JAKMIP3: variants seen among roughly 807,000 people sequenced by gnomAD.
JAKMIP3 encodes Janus kinase and microtubule interacting protein 3.
Under a neutral mutation model 118.5 loss-of-function variants are expected in JAKMIP3, and 58 were observed. The observed-to-expected ratio is 0.49, with a 90% CI of 0.40 to 0.61. The LOEUF (loss-of-function observed/expected upper bound fraction) is 0.61. Among genes scored for constraint, JAKMIP3 ranks in the 20% least tolerant of loss-of-function variants. JAKMIP3 has a pLI of 0.00. For synonymous variants in JAKMIP3, 486 were observed against 451.2 expected (o/e 1.08, Z -0.98); for missense variants, 950 against 1,109.0 (o/e 0.86, Z 2.04).
chr10:132,065,142 A>G (rs2038615111), upstream of JAKMIP3, among the ~76,000 whole-genome samples: 1 of 152,020 alleles, frequency 6.6e-6, no homozygotes, highest in Non-Finnish European at 1.5e-5. The surrounding 1 kb of genome is among the most constrained non-coding windows in gnomAD (Gnocchi z 5.6). Flanking sequence ...GGCAGCCCTC[A>G]AGGCTGCCTT....
intron 16 of JAKMIP3, among the ~76,000 whole-genome samples, chr10:132,151,364 T>C (rs1197659562): frequency 6.6e-6 from 1 of 152,172 alleles, no homozygotes; most frequent in Non-Finnish European, 1.5e-5. Context: ...CATCCAGTGC[T>C]CTGCATCCGA....
chr10:132,118,189 A>G lies in JAKMIP3; in HGVS notation c.633+615A>G, dbSNP rs994070605. Among the ~76,000 whole-genome samples the G allele has an allele frequency of 3.3e-5, 5 of 152,136 alleles. No individual in the cohort carries two copies. The East Asian group carries it at 5.8e-4, about 18-fold the overall frequency. ...GATGAGCTGCCGGTTTTGTGGATCA[A>G]TGAGGTCTAACGTTGGCATCTGGTG... is the stretch of plus-strand genomic sequence containing the variant. On this transcript the variant is annotated intron_variant, in intron 3 of 23. Coordinates refer to ENST00000684848, the MANE Select transcript of JAKMIP3 (RefSeq NM_001323087.2). This position sits in a 1 kb window ranked among gnomAD's most constrained non-coding sequence, Gnocchi z 4.8.
Position 132,117,768 on chromosome 10 carries a change from C to T in JAKMIP3, c.633+194C>T, listed in dbSNP as rs940469152. On this transcript the variant is annotated intron_variant, in intron 3 of 23. Transcript: ENST00000684848. This position sits in a 1 kb window ranked among gnomAD's most constrained non-coding sequence, Gnocchi z 8.6. ...GTTGGTTTTGAGGACCCTAGAGTCA[C>T]GAGACCACTAGAAAAGGTTCAGACC... is the stretch of plus-strand genomic sequence containing the variant. Among the ~76,000 whole-genome samples, 8 of 152,136 alleles carry T rather than the reference C, an allele frequency of 5.3e-5. No individual in the cohort carries two copies. The highest frequency in any genetic ancestry group is 1.4e-4 in the African/African-American group (6 of 41,422).
At chr10:132,139,092 G>A (rs113493544) in intron 9 of JAKMIP3, among the ~76,000 whole-genome samples, 9,848 of 115,990 alleles carry the variant, frequency 0.085, 784 homozygotes, top group African/African-American at 0.23. Context: ...GTGTGAGTGC[G>A]TGTATGTGTG....
rs753848756 is a variant in JAKMIP3 at position 132,104,834 on chromosome 10, G to A, written c.26G>A (p.Arg9Gln). MSKRGMSS[R>Q]AKGDKAEALA... ...ATGTCCAAGAGGGGCATGAGCAGCC[G>A]GGCCAAGGGGGACAAGGCAGAGGCC... is the stretch of plus-strand genomic sequence containing the variant. Residue 9 changes from arginine (R) to glutamine (Q), a missense_variant, in exon 2 of 24, where the codon CGG becomes CAG. Transcript: ENST00000684848. 3.6e-5 allele frequency: 56 copies of A among 1,553,160 alleles called. No individual in the cohort carries two copies. The highest frequency in any genetic ancestry group is 3.1e-4 in the South Asian group (26 of 84,134).
At chr10:132,174,681 A>T (rs563193075) in intron 23 of JAKMIP3, among the ~76,000 whole-genome samples, 1 of 149,918 alleles carries the variant, frequency 6.7e-6, no homozygotes, top group Non-Finnish European at 1.5e-5. Flanking sequence ...ACTTTTTATA[A>T]GTAACTGTTG....
At chr10:132,123,502 A>G (rs1252335853) in intron 3 of JAKMIP3, among the ~76,000 whole-genome samples, 2 of 152,222 alleles carry the variant, frequency 1.3e-5, no homozygotes, top group Non-Finnish European at 2.9e-5. Context: ...TTAAAACCCC[A>G]TTCAAATATG....
chr10:132,133,695 C>T (rs1045003146), intron 4 of JAKMIP3, among the ~76,000 whole-genome samples, 168 bp downstream of exon 4: 7 of 152,220 alleles, frequency 4.6e-5, no homozygotes, highest in Admixed American at 6.5e-5. Flanking sequence ...GTGCTCAGCT[C>T]CTCTGGCTCT....
At chr10:132,163,167 G>A in intron 19 of JAKMIP3, 42 bp from the exon 20 acceptor site, 2 of 1,529,086 alleles carry the variant, frequency 1.3e-6, no homozygotes, top group African/African-American at 2.7e-5. Context: ...GGTTTGTTCT[G>A]GGGAGAAGGC....
intron 1 of JAKMIP3, among the ~76,000 whole-genome samples, chr10:132,078,601 A>C (rs1180967274): frequency 1.1e-5 from 1 of 88,330 alleles, no homozygotes; most frequent in African/African-American, 4.1e-5. Context: ...CACTGAGCCC[A>C]GGGACCTTCT....
chr10:132,102,321 A>G (rs2045089850), intron 1 of JAKMIP3, among the ~76,000 whole-genome samples: 1 of 152,088 alleles, frequency 6.6e-6, no homozygotes, highest in African/African-American at 2.4e-5. Context: ...GCCTCTGATG[A>G]CGTCCGCGGG....
chr10:132,143,142 C>CGGGG (rs139480000), intron 11 of JAKMIP3, among the ~76,000 whole-genome samples: 6 of 146,928 alleles, frequency 4.1e-5, no homozygotes, highest in African/African-American at 1.3e-4. Context: ...TGTCCTGAGT[C>CGGGG]GGGGTGGGGG....
chr10:132,117,944 T>TA lies in JAKMIP3; in HGVS notation c.633+371dup, dbSNP rs1463630437. Reference sequence around the variant, plus strand: ...CGCAGGGTTCACGGACATCTCTTCTTAGTGTCCCGGGTCACACCTGACACC... The same window carrying TA: ...CGCAGGGTTCACGGACATCTCTTCTTAAGTGTCCCGGGTCACACCTGACACC... On this transcript the variant is annotated intron_variant, in intron 3 of 23. Transcript: ENST00000684848. This position sits in a 1 kb window ranked among gnomAD's most constrained non-coding sequence, Gnocchi z 8.6. Among the ~76,000 whole-genome samples the TA allele has an allele frequency of 6.6e-6, 1 of 152,122 alleles. No individual in the cohort carries two copies. Among genetic ancestry groups the TA allele is most frequent in the Non-Finnish European group, 1.5e-5 (1 of 68,020 alleles).
chr10:132,100,610 G>GC (rs35461609), intron 1 of JAKMIP3, among the ~76,000 whole-genome samples: 23,329 of 152,010 alleles, frequency 0.15, 2,362 homozygotes, highest in Non-Finnish European at 0.23. Flanking sequence ...CGCAGGCCAC[G>GC]CCCCCCCAGC....
intron 1 of JAKMIP3, among the ~76,000 whole-genome samples, chr10:132,042,223 C>CTTCCTTCCTTCCTTCCTCTT (rs1311028209): frequency 1.4e-5 from 2 of 147,174 alleles, no homozygotes; most frequent in African/African-American, 5.1e-5. Flanking sequence ...TCCTTCTTTC[C>CTTCCTTCCTTCCTTCCTCTT]TCCTCCTCCT....
At position 132,117,261 on chromosome 10, in the gene JAKMIP3, A is replaced by G. The variant is rs199768813; in HGVS notation, c.320A>G (p.Lys107Arg). 1.1e-5 allele frequency: 17 copies of G among 1,613,990 alleles called. No homozygotes were observed. Among genetic ancestry groups the G allele is most frequent in the Non-Finnish European group, 1.4e-5 (17 of 1,179,894 alleles). The change falls in exon 3 of 24, where the codon AAG becomes AGG. Residue 107 changes from lysine (K) to arginine (R), a missense_variant. Lys to Arg is a conservative substitution (Grantham distance 26). Transcript: ENST00000684848. The surrounding 1 kb of genome is among the most constrained non-coding windows in gnomAD (Gnocchi z 8.6). Reference sequence around the variant, plus strand: ...GAGGCTGAGCTGCTCAGGGTCATCAAGATCAAGGACAACGAGAACCAGCGG... The same window carrying G: ...GAGGCTGAGCTGCTCAGGGTCATCAGGATCAAGGACAACGAGAACCAGCGG... ...QHEAELLRVI[K>R]IKDNENQRLQ...
intron 3 of JAKMIP3, among the ~76,000 whole-genome samples, chr10:132,120,542 G>A (rs1173142999): frequency 3.3e-5 from 5 of 152,204 alleles, no homozygotes; most frequent in Non-Finnish European, 7.3e-5. Flanking sequence ...CTGGTTTTGT[G>A]CAATTTAAAT....
Position 132,056,758 on chromosome 10 carries a change from C to T in JAKMIP3, c.-138+20020C>T, listed in dbSNP as rs141585151. 4.3e-3 allele frequency among the ~76,000 whole-genome samples: 661 copies of T among 152,322 alleles called. 3 individuals are homozygous for T. Among genetic ancestry groups the T allele is most frequent in the African/African-American group, 0.015 (606 of 41,576 alleles). On this transcript the variant is annotated intron_variant, in intron 1 of 23. Transcript: ENST00000657785. ...CCCACCTCCCGTCTGTACTTTGTCCCGGTGCACCACCAGTGAGGCTGCTGA... is the reference window on the plus strand; with the variant it reads ...CCCACCTCCCGTCTGTACTTTGTCCTGGTGCACCACCAGTGAGGCTGCTGA...
In JAKMIP3 at chr10:132,044,447, A is replaced by G. The variant is rs1186221247; in HGVS notation, c.-138+7709A>G. ...GCTCGTGACGGGAGCTCACCAGTCT[A>G]GTAGGGAAGGTCAGGGAAGGCTGCT... On this transcript the variant is annotated intron_variant, in intron 1 of 23. Coordinates refer to the JAKMIP3 transcript ENST00000657785. The surrounding 1 kb of genome is among the most constrained non-coding windows in gnomAD (Gnocchi z 5.3). 6.6e-6 allele frequency among the ~76,000 whole-genome samples: 1 copy of G among 152,124 alleles called. No individual in the cohort carries two copies. The highest frequency in any genetic ancestry group is 2.4e-5 in the African/African-American group (1 of 41,436).
Sources: allele counts gnomAD v4.1 joint callset (sites outside exome capture counted in the v4.1 genomes callset), GRCh38; gene constraint gnomAD v4.1.1; non-coding constraint Gnocchi (gnomAD v3.1); transcripts MANE v1.5; gene names NCBI Gene and HGNC (gene_info 2026-07-23, HGNC 2026-07-21).